The following GPC5 variants were observed in gnomAD, a reference collection of about 807,000 sequenced individuals.
The protein encoded by GPC5 is glypican 5, also known as glypican-5.
A neutral mutation model predicts 53.9 loss-of-function variants in GPC5; 47 were observed. The observed-to-expected ratio is 0.87, with a 90% confidence interval of 0.69 to 1.11. The LOEUF (loss-of-function observed/expected upper bound fraction) is 1.11. Ranked by LOEUF, GPC5 falls within the 50% of genes most tolerant of loss-of-function variation. GPC5 has a pLI of 0.00. For missense variants in GPC5, 748 were observed against 713.1 expected, an observed-to-expected ratio of 1.05 and a Z score of -0.56; for synonymous variants, 286 against 263.3, an observed-to-expected ratio of 1.09 and a Z score of -0.84.
chr13:92,512,159 A>G (rs1880590046), intron 7 of GPC5, among the ~76,000 whole-genome samples: 1 of 152,138 alleles, frequency 6.6e-6, no homozygotes, highest in Non-Finnish European at 1.5e-5. Context: ...TATATTAACT[A>G]AATTTTCTCC....
At chr13:92,809,434 C>T (rs768493699) in intron 7 of GPC5, among the ~76,000 whole-genome samples, 8 of 152,070 alleles carry the variant, frequency 5.3e-5, no homozygotes, top group Admixed American at 2.0e-4. Context: ...GGGTGGATTT[C>T]GTTACAGCTG....
intron 1 of GPC5, among the ~76,000 whole-genome samples, chr13:91,414,665 G>T (rs937427505): frequency 7.2e-5 from 11 of 152,146 alleles, no homozygotes; most frequent in African/African-American, 2.7e-4. Flanking sequence ...TCTCTGTTTG[G>T]CTTTTGCATA....
intron 7 of GPC5, among the ~76,000 whole-genome samples, chr13:92,738,003 A>T (rs1049390261): frequency 2.6e-5 from 4 of 151,494 alleles, no homozygotes; most frequent in Non-Finnish European, 5.9e-5. Context: ...ACCTCAGGTG[A>T]TCCACCCACT....
intron 7 of GPC5, among the ~76,000 whole-genome samples, chr13:92,813,282 A>G (rs947799981): frequency 1.3e-5 from 2 of 151,924 alleles, no homozygotes; most frequent in South Asian, 4.1e-4. Flanking sequence ...AAGTAAGGCC[A>G]CTGCGGAGGA....
intron 2 of GPC5, among the ~76,000 whole-genome samples, chr13:91,663,092 T>C (rs1248068799): frequency 6.6e-6 from 1 of 152,206 alleles, no homozygotes; most frequent in Admixed American, 6.5e-5. Flanking sequence ...CTTCTAGTAG[T>C]GGAAGGCTTG....
At chr13:92,606,320 G>C (rs1884259342) in intron 7 of GPC5, among the ~76,000 whole-genome samples, 1 of 152,038 alleles carries the variant, frequency 6.6e-6, no homozygotes, top group Non-Finnish European at 1.5e-5. Context: ...TCCCACCTAT[G>C]AGTGAGACCA....
intron 7 of GPC5, among the ~76,000 whole-genome samples, chr13:92,186,526 A>G (rs145127390): frequency 4.6e-5 from 7 of 152,244 alleles, no homozygotes; most frequent in Admixed American, 4.6e-4. Flanking sequence ...ATATTTTGGC[A>G]TGGGGAATTA....
At chr13:92,354,454 G>A (rs1157525534) in intron 7 of GPC5, among the ~76,000 whole-genome samples, 1 of 152,076 alleles carries the variant, frequency 6.6e-6, no homozygotes, top group Non-Finnish European at 1.5e-5. Context: ...GTAGTAATGA[G>A]ACAAAAACCC....
intron 7 of GPC5, among the ~76,000 whole-genome samples, chr13:92,392,372 C>T (rs111811072): frequency 0.036 from 5,496 of 152,068 alleles, 157 homozygotes; most frequent in Non-Finnish European, 0.053. Flanking sequence ...GAGCTGGACC[C>T]CTTTCTTACA....
intron 6 of GPC5, among the ~76,000 whole-genome samples, chr13:92,010,249 T>G (rs2040648618): frequency 6.6e-6 from 1 of 152,178 alleles, no homozygotes; most frequent in African/African-American, 2.4e-5. Flanking sequence ...ATATTTATGT[T>G]GTTTATTTTC....
At position 92,629,845 on chromosome 13, in the gene GPC5, T is replaced by C. The variant is rs181479295; in HGVS notation, c.1562-236437T>C. 6.2e-3 allele frequency among the ~76,000 whole-genome samples: 943 copies of C among 152,250 alleles called. 6 individuals carry two copies. Among genetic ancestry groups the C allele is most frequent in the Non-Finnish European group, 7.6e-3 (517 of 68,012 alleles). On this transcript the variant is annotated intron_variant, in intron 7 of 7. Transcript: ENST00000377067. ...TCATTCTTGACAAATATTGACAATA[T>C]AATGCAGAGGTTAGCGATTTTTCTG...
At chr13:92,784,584 G>C (rs1317371533) in intron 7 of GPC5, among the ~76,000 whole-genome samples, 5 of 151,908 alleles carry the variant, frequency 3.3e-5, no homozygotes, top group African/African-American at 1.2e-4. Flanking sequence ...TATTAAAGAT[G>C]AAAATAAATG....
intron 7 of GPC5, among the ~76,000 whole-genome samples, chr13:92,453,012 G>A (rs899939264): frequency 2.6e-5 from 4 of 152,124 alleles, no homozygotes; most frequent in African/African-American, 7.2e-5. Context: ...ACCCTATGCC[G>A]CACTACTACG....
intron 6 of GPC5, among the ~76,000 whole-genome samples, chr13:91,949,934 CCTTTGGAG>C (rs2040010317): frequency 6.6e-6 from 1 of 152,062 alleles, no homozygotes; most frequent in South Asian, 2.1e-4. Flanking sequence ...TTGGCTTCAC[CCTTTGGAG>C]AATTTGATAT....
chr13:92,106,638 A>C (rs941558313), intron 6 of GPC5, among the ~76,000 whole-genome samples: 2 of 152,142 alleles, frequency 1.3e-5, no homozygotes, highest in Admixed American at 6.6e-5. Flanking sequence ...ATAAGAGTTC[A>C]CATAAAATCG....
intron 7 of GPC5, among the ~76,000 whole-genome samples, chr13:92,257,512 C>T (rs922900215): frequency 7.2e-6 from 1 of 139,672 alleles, no homozygotes; most frequent in Admixed American, 7.5e-5. Flanking sequence ...TAGTTATAAC[C>T]TTTCAGCTAG....
At position 92,632,260 on chromosome 13, in the gene GPC5, T is replaced by G. The variant is rs535486021; in HGVS notation, c.1562-234022T>G. 5.9e-5 allele frequency among the ~76,000 whole-genome samples: 9 copies of G among 152,242 alleles called. No individual in the cohort carries two copies. In the South Asian group the frequency reaches 1.9e-3, roughly 32 times the overall value. ...TGAATTCTAATTATATATTTGATGA[T>G]TAAGCTCAGATAGACTTGAAGACAG... On this transcript the variant is annotated intron_variant, in intron 7 of 7. Transcript: ENST00000377067.
At chr13:92,550,364 A>G (rs1882270278) in intron 7 of GPC5, among the ~76,000 whole-genome samples, 1 of 151,916 alleles carries the variant, frequency 6.6e-6, no homozygotes, top group African/African-American at 2.4e-5. Context: ...TATTCAGTAT[A>G]TATGTCTCTG....
chr13:92,453,440 A>G (rs143086387), intron 7 of GPC5, among the ~76,000 whole-genome samples: 40 of 152,236 alleles, frequency 2.6e-4, no homozygotes, highest in African/African-American at 9.6e-4. Flanking sequence ...GAAGAGCGGG[A>G]TTCACCAGGA....
Sources: allele counts gnomAD v4.1 joint callset (sites outside exome capture counted in the v4.1 genomes callset), GRCh38; gene constraint gnomAD v4.1.1; transcripts MANE v1.5; gene names NCBI Gene and HGNC (gene_info 2026-07-23, HGNC 2026-07-21).